Variants in REDIC1 observed in about 807,000 individuals in gnomAD.
The protein encoded by REDIC1 is regulator of DNA class I crossover intermediates 1.
At chr12:39,896,000 A>G in the REDIC1 span, among the ~76,000 whole-genome samples, 1 of 147,116 alleles carries the variant, frequency 6.8e-6, no homozygotes, top group Non-Finnish European at 1.5e-5. Context: ...ATATATGTGT[A>G]TATATACATG....
At chr12:39,865,223 T>G in the REDIC1 span, among the ~76,000 whole-genome samples, 1 of 152,226 alleles carries the variant, frequency 6.6e-6, no homozygotes, top group Non-Finnish European at 1.5e-5. Context: ...ACAACATTAT[T>G]GAGTGCCTAA....
At chr12:39,721,120 G>C in the REDIC1 span, 1 of 1,613,726 alleles carries the variant, frequency 6.2e-7, no homozygotes, top group South Asian at 1.1e-5. Flanking sequence ...AAAATTAGAT[G>C]TTGCCATACA....
At chr12:39,809,673 C>G in the REDIC1 span, among the ~76,000 whole-genome samples, 1 of 152,234 alleles carries the variant, frequency 6.6e-6, no homozygotes, top group African/African-American at 2.4e-5. Context: ...CACCCCACAA[C>G]AGTCTCTGGT....
At chr12:39,648,097 G>A in the REDIC1 span, 1 of 653,720 alleles carries the variant, frequency 1.5e-6, no homozygotes, top group Non-Finnish European at 2.2e-6. Context: ...AAACAAATTA[G>A]GAGATAAATT....
At chr12:39,832,261 T>C in the REDIC1 span, among the ~76,000 whole-genome samples, 8 of 152,302 alleles carry the variant, frequency 5.3e-5, no homozygotes, top group African/African-American at 1.7e-4. Context: ...TAATTTCTAC[T>C]AGTATTTTGT....
the REDIC1 span, among the ~76,000 whole-genome samples, chr12:39,858,491 C>T: frequency 6.6e-6 from 1 of 152,148 alleles, no homozygotes; most frequent in Non-Finnish European, 1.5e-5. Flanking sequence ...TTTCAATTCA[C>T]AGCATAATAT....
chr12:39,724,044 A>T, the REDIC1 span, among the ~76,000 whole-genome samples: 1 of 151,974 alleles, frequency 6.6e-6, no homozygotes, highest in Non-Finnish European at 1.5e-5. Flanking sequence ...TGCATGACTC[A>T]TTTCCCGAGG....
the REDIC1 span, chr12:39,829,936 C>A: frequency 2.3e-6 from 2 of 865,352 alleles, no homozygotes; most frequent in South Asian, 1.6e-5. Flanking sequence ...GTGAAACACA[C>A]AATTGCAATG....
At chr12:39,753,712 T>C in the REDIC1 span, among the ~76,000 whole-genome samples, 150,277 of 152,268 alleles carry the variant, frequency 0.99, 74,165 homozygotes, top group East Asian at 1. Flanking sequence ...GGATAGGATA[T>C]GGATGATGAA....
At chr12:39,641,355 A>C in the REDIC1 span, among the ~76,000 whole-genome samples, 1 of 151,790 alleles carries the variant, frequency 6.6e-6, no homozygotes, top group South Asian at 2.1e-4. Flanking sequence ...TATTACACTG[A>C]TTGCATTCCA....
chr12:39,698,698 A>G, the REDIC1 span, among the ~76,000 whole-genome samples: 4 of 152,354 alleles, frequency 2.6e-5, no homozygotes, highest in East Asian at 3.9e-4. Flanking sequence ...TTTGGGAACT[A>G]TACAAATACA....
At chr12:39,765,873 T>C in the REDIC1 span, among the ~76,000 whole-genome samples, 1 of 152,056 alleles carries the variant, frequency 6.6e-6, no homozygotes, top group Non-Finnish European at 1.5e-5. Context: ...ATCCTGATGC[T>C]CTCCCTCCTC....
At chr12:39,674,581 G>A in the REDIC1 span, among the ~76,000 whole-genome samples, 1 of 152,160 alleles carries the variant, frequency 6.6e-6, no homozygotes, top group African/African-American at 2.4e-5. Flanking sequence ...AAAGTGTGAG[G>A]GGGGGATAGC....
the REDIC1 span, chr12:39,835,786 T>G: frequency 6.6e-6 from 1 of 152,146 alleles, no homozygotes; most frequent in African/African-American, 2.4e-5. Flanking sequence ...CAAGGCATTC[T>G]TGTAGGTTCA....
At chr12:39,634,778 G>C in the REDIC1 span, among the ~76,000 whole-genome samples, 1 of 152,104 alleles carries the variant, frequency 6.6e-6, no homozygotes, top group African/African-American at 2.4e-5. Context: ...AGCCAAAATA[G>C]ACAAATGGGA....
At chr12:39,904,431 C>T in the REDIC1 span, among the ~76,000 whole-genome samples, 2 of 152,236 alleles carry the variant, frequency 1.3e-5, no homozygotes, top group Middle Eastern at 6.8e-3. Context: ...ACCTTGTGAG[C>T]AGGTCTTTCT....
the REDIC1 span, among the ~76,000 whole-genome samples, chr12:39,711,991 T>C: frequency 6.9e-6 from 1 of 145,308 alleles, no homozygotes; most frequent in African/African-American, 2.5e-5. Context: ...CATGTCTATA[T>C]ACATGTCTGT....
chr12:39,851,851 G>T, the REDIC1 span, among the ~76,000 whole-genome samples: 2 of 152,108 alleles, frequency 1.3e-5, no homozygotes, highest in African/African-American at 4.8e-5. Context: ...CCTGTGTCAA[G>T]AATTTTTAAA....
chr12:39,672,559 C>T, the REDIC1 span, among the ~76,000 whole-genome samples: 2 of 152,162 alleles, frequency 1.3e-5, no homozygotes, highest in Non-Finnish European at 2.9e-5. Flanking sequence ...CACCCTGTCA[C>T]TGGGGGCAGC....
Sources: gnomAD v4.1 joint callset for allele counts (sites outside exome capture counted in the v4.1 genomes callset) on GRCh38, gnomAD v4.1.1 for gene constraint, MANE v1.5 for transcripts, NCBI Gene and HGNC (gene_info 2026-07-23, HGNC 2026-07-21) for gene names.